The following CEP85L variants were observed in gnomAD, a reference collection of about 807,000 sequenced individuals.
CEP85L encodes centrosomal protein of 85 kDa-like.
CEP85L carries 60 observed loss-of-function variants against 100.3 expected under a neutral mutation model. The ratio of observed to expected loss-of-function variants is 0.60; its 90% confidence interval spans 0.49 to 0.74. The LOEUF is 0.74. CEP85L is among the 30% of genes least tolerant of loss of function. The probability of loss-of-function intolerance (pLI) is 0.00; values close to 1 mark genes in which losing one functional copy is unlikely to be tolerated. For missense variants in CEP85L, 973 were observed against 936.2 expected (o/e 1.04, Z -0.51); for synonymous variants, 319 against 322.7 (o/e 0.99, Z 0.12).
At chr6:118,560,134 A>G (rs1385468785) in intron 3 of CEP85L, 1 of 167,050 alleles carries the variant, frequency 6.0e-6, no homozygotes, top group Middle Eastern at 3.1e-3. Context: ...TTATTAGATT[A>G]TATTTTGAAA....
At chr6:118,654,531 G>C (rs1223082011), upstream of CEP85L, among the ~76,000 whole-genome samples, 1 of 152,104 alleles carries the variant, frequency 6.6e-6, no homozygotes, top group Non-Finnish European at 1.5e-5. Context: ...TGTGTATCAA[G>C]GACCATGCTA....
At chr6:118,666,989 C>T (rs11153768) in intron 1 of CEP85L, among the ~76,000 whole-genome samples, 55,075 of 152,004 alleles carry the variant, frequency 0.36, 10,820 homozygotes, top group Non-Finnish European at 0.46. Context: ...TCTTTTCTTG[C>T]TTAATTAGTT....
At chr6:118,557,012 G>C (rs929132529) in intron 3 of CEP85L, among the ~76,000 whole-genome samples, 2 of 152,270 alleles carry the variant, frequency 1.3e-5, no homozygotes, top group East Asian at 3.9e-4. Context: ...CTACTATTAA[G>C]TAGAAGTCTG....
intron 3 of CEP85L, among the ~76,000 whole-genome samples, chr6:118,540,848 C>G (rs1333583584): frequency 6.6e-6 from 1 of 152,128 alleles, no homozygotes. Flanking sequence ...CCTAGGGAAA[C>G]TTCAACTAAT....
chr6:118,527,631 G>C (rs1777053916), intron 3 of CEP85L, among the ~76,000 whole-genome samples: 1 of 152,008 alleles, frequency 6.6e-6, no homozygotes. Context: ...GTCAAACTGT[G>C]GCTCAAACAG....
Position 118,651,184 on chromosome 6 carries a change from T to G in CEP85L, c.73+13A>C, listed in dbSNP as rs760470076. 6 of 1,495,152 alleles carry G rather than the reference T, an allele frequency of 4.0e-6. No individual in the cohort carries two copies. The South Asian group carries it at 7.5e-5, about 19-fold the overall frequency. 92.6% of individuals were successfully genotyped at this position (1,495,152 alleles called of 1,614,324 possible). Reference sequence around the variant, plus strand: ...GACCCCCACCCCAGCCGGGGCGCTGTCCCGTTCCTTACCGGCAGGGAAGCT... The same window carrying G: ...GACCCCCACCCCAGCCGGGGCGCTGGCCCGTTCCTTACCGGCAGGGAAGCT... On this transcript the variant is annotated intron_variant, in intron 1 of 12. Transcript: ENST00000368491.
Position 118,464,624 on chromosome 6 carries a change from T to C in CEP85L, c.*781A>G, listed in dbSNP as rs1448102670. ...TATATAAAACATATAAATAAAAAAT[T>C]GTAAATAGTAAGGAACATGTTAAAA... is the stretch of plus-strand genomic sequence containing the variant. On this transcript the variant is annotated 3_prime_UTR_variant, in exon 13 of 13. Transcript: ENST00000368491. 1 of 151,830 alleles carries C rather than the reference T, an allele frequency of 6.6e-6. No homozygotes were observed. Among genetic ancestry groups the C allele is most frequent in the Non-Finnish European group, 1.5e-5 (1 of 67,938 alleles). 9.4% of individuals were successfully genotyped at this position (151,830 alleles called of 1,614,324 possible).
intron 2 of CEP85L, among the ~76,000 whole-genome samples, chr6:118,608,762 C>CATGT (rs921746143): frequency 6.6e-6 from 1 of 152,054 alleles, no homozygotes; most frequent in Non-Finnish European, 1.5e-5. Flanking sequence ...TACATATAAA[C>CATGT]ATGTATGTAT....
rs953756021 is a variant in CEP85L at position 118,489,921 on chromosome 6, T to TTA, written c.1437+1763_1437+1764dup. On this transcript the variant is annotated intron_variant, in intron 6 of 12. Coordinates refer to ENST00000368491, the MANE Select transcript of CEP85L (RefSeq NM_001042475.3). ...AACAGGTGAATGAGCAACATAAATGTTATATACACACACACACACATATAT... is the reference window on the plus strand; with the variant it reads ...AACAGGTGAATGAGCAACATAAATGTTATATATACACACACACACACATATAT... Among the ~76,000 whole-genome samples, 7 of 151,862 alleles carry TTA rather than the reference T, an allele frequency of 4.6e-5. No homozygotes were observed. The East Asian group carries it at 9.6e-4, about 21-fold the overall frequency.
At chr6:118,492,391 G>A (rs943602630) in intron 5 of CEP85L, among the ~76,000 whole-genome samples, 1 of 152,054 alleles carries the variant, frequency 6.6e-6, no homozygotes, top group Non-Finnish European at 1.5e-5. Flanking sequence ...CCATCTCAAA[G>A]TGTCCATCTT....
intron 5 of CEP85L, among the ~76,000 whole-genome samples, chr6:118,510,396 A>G (rs1775899980): frequency 6.6e-6 from 1 of 151,950 alleles, no homozygotes; most frequent in Admixed American, 6.5e-5. Flanking sequence ...AAAACCTACA[A>G]CCTAACATAA....
At chr6:118,513,086 C>A (rs945665229) in intron 4 of CEP85L, among the ~76,000 whole-genome samples, 1 of 151,918 alleles carries the variant, frequency 6.6e-6, no homozygotes. Context: ...GACATTACAG[C>A]ACAAAAGTAC....
At chr6:118,698,547 A>T (rs1030101236) in intron 1 of CEP85L, among the ~76,000 whole-genome samples, 2 of 151,950 alleles carry the variant, frequency 1.3e-5, no homozygotes, top group Non-Finnish European at 2.9e-5. Context: ...AGAAAAAAAA[A>T]AAAAGGATTG....
At chr6:118,677,252 CAGAT>C (rs1776512898) in intron 1 of CEP85L, among the ~76,000 whole-genome samples, 1 of 152,048 alleles carries the variant, frequency 6.6e-6, no homozygotes, top group African/African-American at 2.4e-5. Context: ...AGCCAGGAGA[CAGAT>C]AGAAAGTAAG....
intron 3 of CEP85L, among the ~76,000 whole-genome samples, chr6:118,535,922 A>T (rs952645937): frequency 3.3e-5 from 5 of 152,168 alleles, no homozygotes; most frequent in Non-Finnish European, 5.9e-5. Flanking sequence ...CAAAACTCAA[A>T]TTATAGCATT....
chr6:118,513,755 A>T (rs1353584694), intron 4 of CEP85L, among the ~76,000 whole-genome samples: 1 of 152,158 alleles, frequency 6.6e-6, no homozygotes, highest in Admixed American at 6.5e-5. Flanking sequence ...TACAAAAAAA[A>T]TGATAAAGGA....
chr6:118,509,468 C>G (rs1179984270), intron 5 of CEP85L, among the ~76,000 whole-genome samples: 1 of 151,980 alleles, frequency 6.6e-6, no homozygotes, highest in Non-Finnish European at 1.5e-5. Context: ...AAGATGAGAC[C>G]AAATTATAAC....
chr6:118,607,140 G>A (rs991735362), intron 2 of CEP85L, among the ~76,000 whole-genome samples: 1 of 152,074 alleles, frequency 6.6e-6, no homozygotes, highest in Non-Finnish European at 1.5e-5. Flanking sequence ...ACTCTGCTTA[G>A]CACCCAATAT....
At chr6:118,508,730 T>A (rs1243248884) in intron 5 of CEP85L, among the ~76,000 whole-genome samples, 6 of 152,106 alleles carry the variant, frequency 3.9e-5, no homozygotes, top group African/African-American at 1.2e-4. Context: ...TACTCTAGAA[T>A]ACACATTAAT....
Sources: gnomAD v4.1 joint callset for allele counts (sites outside exome capture counted in the v4.1 genomes callset) on GRCh38, gnomAD v4.1.1 for gene constraint, MANE v1.5 for transcripts, NCBI Gene and HGNC (gene_info 2026-07-23, HGNC 2026-07-21) for gene names.